The following CPED1 variants were observed in gnomAD, a reference collection of about 807,000 sequenced individuals.
The protein encoded by CPED1 is cadherin-like and PC-esterase domain-containing protein 1.
In CPED1, 114 loss-of-function variants were observed where a neutral mutation model predicts 128.2. That is an observed-to-expected ratio of 0.89 (90% CI 0.76 to 1.04). The LOEUF (loss-of-function observed/expected upper bound fraction) is 1.04, where lower values mean the gene tolerates loss of function less well. Among genes scored for constraint, CPED1 ranks in the 50% least tolerant of loss-of-function variants. The pLI is 0.00. For synonymous variants in CPED1, 462 were observed against 426.7 expected (o/e 1.08, Z -1.02); for missense variants, 1,211 against 1,207.1 (o/e 1.00, Z -0.05).
At chr7:121,192,290 G>C (rs1000663283) in intron 16 of CPED1, among the ~76,000 whole-genome samples, 6 of 152,044 alleles carry the variant, frequency 3.9e-5, no homozygotes, top group African/African-American at 1.4e-4. Flanking sequence ...AAAACTTTTT[G>C]AGTACTGACA....
intron 3 of CPED1, among the ~76,000 whole-genome samples, chr7:121,040,205 C>G (rs1173484128): frequency 6.6e-6 from 1 of 152,058 alleles, no homozygotes; most frequent in East Asian, 1.9e-4. Flanking sequence ...GATTTTGTAG[C>G]CATGTTGTAT....
chr7:121,113,591 G>A (rs1199961105), intron 7 of CPED1, among the ~76,000 whole-genome samples: 1 of 152,072 alleles, frequency 6.6e-6, no homozygotes, highest in Non-Finnish European at 1.5e-5. Flanking sequence ...TGCCTTATTT[G>A]GCCAGAATTT....
chr7:121,087,872 G>C (rs1794473510), intron 5 of CPED1, among the ~76,000 whole-genome samples: 1 of 151,642 alleles, frequency 6.6e-6, no homozygotes, highest in Admixed American at 6.6e-5. Flanking sequence ...ATCTTGGCCA[G>C]GCTGATCTTG....
chr7:121,251,517 A>C (rs1188361098), intron 18 of CPED1, among the ~76,000 whole-genome samples: 10 of 152,204 alleles, frequency 6.6e-5, no homozygotes. Flanking sequence ...GAAAAGAGGA[A>C]GTCAAATTGT....
At chr7:121,131,492 G>GTTT (rs35424690) in intron 12 of CPED1, among the ~76,000 whole-genome samples, 1 of 134,128 alleles carries the variant, frequency 7.5e-6, no homozygotes, top group Admixed American at 7.5e-5. Context: ...CTGTTTCAAA[G>GTTT]TTTTTTTTTT....
chr7:121,014,240 T>G (rs1324639427), intron 2 of CPED1, among the ~76,000 whole-genome samples: 1 of 152,158 alleles, frequency 6.6e-6, no homozygotes, highest in Non-Finnish European at 1.5e-5. Flanking sequence ...TGTTAAATGA[T>G]CTTGTGTTCC....
chr7:121,161,096 T>G (rs1006585282), intron 16 of CPED1, among the ~76,000 whole-genome samples: 4 of 152,138 alleles, frequency 2.6e-5, no homozygotes, highest in Admixed American at 2.0e-4. Context: ...TGCAACAAAT[T>G]ACCACAAATG....
intron 3 of CPED1, among the ~76,000 whole-genome samples, chr7:121,038,403 A>G (rs1792958990): frequency 6.6e-6 from 1 of 152,128 alleles, no homozygotes; most frequent in Admixed American, 6.6e-5. Context: ...TTATTTGTGG[A>G]AGAATGCATG....
At chr7:121,244,944 A>G (rs1351029809) in intron 18 of CPED1, among the ~76,000 whole-genome samples, 1 of 152,194 alleles carries the variant, frequency 6.6e-6, no homozygotes, top group African/African-American at 2.4e-5. Flanking sequence ...CTGACTAGGT[A>G]GAGTCTGGCA....
intron 3 of CPED1, among the ~76,000 whole-genome samples, chr7:121,044,618 A>G (rs1793140366): frequency 7.5e-6 from 1 of 133,172 alleles, no homozygotes; most frequent in Admixed American, 8.3e-5. Context: ...TAGACCCCTC[A>G]AAGAGATTGC....
At chr7:121,076,741 A>G (rs1794133791) in intron 5 of CPED1, 1 of 152,178 alleles carries the variant, frequency 6.6e-6, no homozygotes, top group Non-Finnish European at 1.5e-5. Context: ...ATGGTTCTGT[A>G]TTCAGGGAAA....
intron 2 of CPED1, among the ~76,000 whole-genome samples, chr7:121,011,340 A>G (rs1018250597): frequency 6.6e-6 from 1 of 152,196 alleles, no homozygotes; most frequent in Non-Finnish European, 1.5e-5. Context: ...TTTATAAAGT[A>G]GCTCTTTATT....
At chr7:121,249,634 AT>A (rs1473416342) in intron 18 of CPED1, among the ~76,000 whole-genome samples, 1 of 152,196 alleles carries the variant, frequency 6.6e-6, no homozygotes, top group East Asian at 1.9e-4. Context: ...CACTGAGGGA[AT>A]TTGTTTCAAA....
chr7:121,118,600 T>C (rs1795310258), intron 7 of CPED1, among the ~76,000 whole-genome samples: 1 of 150,066 alleles, frequency 6.7e-6, no homozygotes, highest in African/African-American at 2.5e-5. Flanking sequence ...AAAAAAACCA[T>C]ATCTATCTGA....
intron 16 of CPED1, among the ~76,000 whole-genome samples, chr7:121,232,300 A>AT (rs1037225302): frequency 2.6e-5 from 4 of 152,090 alleles, no homozygotes; most frequent in Non-Finnish European, 5.9e-5. Flanking sequence ...AGCCTTTGAG[A>AT]TTTTAGAAGG....
intron 4 of CPED1, among the ~76,000 whole-genome samples, chr7:121,055,197 T>G (rs1793462597): frequency 6.6e-6 from 1 of 152,184 alleles, no homozygotes; most frequent in Non-Finnish European, 1.5e-5. Flanking sequence ...AATATAACTT[T>G]TTCTCTCTTA....
At chr7:121,073,050 C>G (rs1388886590) in intron 5 of CPED1, among the ~76,000 whole-genome samples, 1 of 152,136 alleles carries the variant, frequency 6.6e-6, no homozygotes, top group African/African-American at 2.4e-5. Context: ...ACCTCGTGCA[C>G]TTGAAGACTT....
chr7:121,116,146 G>T (rs1038306634), intron 7 of CPED1, among the ~76,000 whole-genome samples: 1 of 152,130 alleles, frequency 6.6e-6, no homozygotes, highest in Non-Finnish European at 1.5e-5. Context: ...CTATGAAACT[G>T]ATTAAATTGT....
At chr7:121,039,576 T>C (rs1312849372) in intron 3 of CPED1, among the ~76,000 whole-genome samples, 2 of 152,166 alleles carry the variant, frequency 1.3e-5, no homozygotes, top group South Asian at 2.1e-4. Flanking sequence ...TTCAGACATT[T>C]AGAAATTTCG....
Sources: allele counts gnomAD v4.1 joint callset (sites outside exome capture counted in the v4.1 genomes callset), GRCh38; gene constraint gnomAD v4.1.1; transcripts MANE v1.5; gene names NCBI Gene and HGNC (gene_info 2026-07-23, HGNC 2026-07-21).